Variants in BCAS3 observed in about 807,000 individuals in gnomAD.
BCAS3 encodes the protein BCAS4/BCAS3 fusion.
A neutral mutation model predicts 116.1 loss-of-function variants in BCAS3; 53 were observed. The observed-to-expected ratio is 0.46, with a 90% CI of 0.37 to 0.57. The LOEUF (loss-of-function observed/expected upper bound fraction) is 0.57. Ranked by LOEUF, BCAS3 falls within the 20% of genes least tolerant of loss-of-function variation. The pLI, the probability that BCAS3 is intolerant of heterozygous loss-of-function variation, is 0.00. For synonymous variants in BCAS3, 391 were observed against 408.2 expected (o/e 0.96, Z 0.51); for missense variants, 917 against 1,165.4 (o/e 0.79, Z 3.10).
rs368299015 is a variant in BCAS3 at position 61,132,462 on chromosome 17, C to A, written c.2425+47898C>A. Among the ~76,000 whole-genome samples, 1 of 152,176 alleles carries A rather than the reference C, an allele frequency of 6.6e-6. No homozygotes were observed. Among genetic ancestry groups the A allele is most frequent in the Non-Finnish European group, 1.5e-5 (1 of 68,036 alleles). On this transcript the variant is annotated intron_variant, in intron 22 of 23. Coordinates refer to ENST00000407086, the MANE Select transcript of BCAS3 (RefSeq NM_017679.5). The surrounding 1 kb of genome is among the most constrained non-coding windows in gnomAD (Gnocchi z 5.1). ...GCCATGTGAGCTATAATCTACTGCC[C>A]TGGTCAAACTTAACCAAAATTCTGT...
At chr17:60,890,283 G>T (rs570529365) in intron 10 of BCAS3, among the ~76,000 whole-genome samples, 8 of 151,852 alleles carry the variant, frequency 5.3e-5, no homozygotes, top group Admixed American at 4.6e-4. Context: ...GTGAAACCCC[G>T]TCTCTACTAA....
chr17:61,332,981 C>T lies in BCAS3; in HGVS notation c.2426-35346C>T, dbSNP rs1453096961. Among the ~76,000 whole-genome samples, 3 of 152,196 alleles carry T rather than the reference C, an allele frequency of 2.0e-5. No individual in the cohort carries two copies. Among genetic ancestry groups the T allele is most frequent in the Non-Finnish European group, 4.4e-5 (3 of 68,046 alleles). On this transcript the variant is annotated intron_variant, in intron 22 of 23. Transcript: ENST00000407086. The surrounding 1 kb of genome is among the most constrained non-coding windows in gnomAD (Gnocchi z 5.4). ...GTCATATTACAAGTCTAGGGCAGAGCGGGGACTATATTCTGGCTTCCTGAC... is the reference window on the plus strand; with the variant it reads ...GTCATATTACAAGTCTAGGGCAGAGTGGGGACTATATTCTGGCTTCCTGAC...
intron 22 of BCAS3, among the ~76,000 whole-genome samples, chr17:61,110,583 G>C (rs1386532503): frequency 6.6e-6 from 1 of 152,250 alleles, no homozygotes; most frequent in Non-Finnish European, 1.5e-5. Flanking sequence ...ACCTGGCTGG[G>C]AGGGTCCTAC....
At chr17:61,159,042 T>G (rs1420789404) in intron 22 of BCAS3, among the ~76,000 whole-genome samples, 1 of 152,232 alleles carries the variant, frequency 6.6e-6, no homozygotes, top group Non-Finnish European at 1.5e-5. Context: ...TCCATATATA[T>G]TCATACATTT....
intron 5 of BCAS3, among the ~76,000 whole-genome samples, chr17:60,724,599 C>T (rs2039629620): frequency 6.6e-6 from 1 of 151,598 alleles, no homozygotes; most frequent in Admixed American, 6.6e-5. Flanking sequence ...GTGGAATGCA[C>T]CTGTAAGCCC....
chr17:61,158,056 T>A (rs900498525), intron 22 of BCAS3, among the ~76,000 whole-genome samples: 1 of 152,194 alleles, frequency 6.6e-6, no homozygotes, highest in East Asian at 1.9e-4. Flanking sequence ...CTCTTTTTTT[T>A]ATGAGACCTG....
chr17:60,736,729 T>C (rs540931807), intron 5 of BCAS3, among the ~76,000 whole-genome samples: 51 of 152,302 alleles, frequency 3.3e-4, no homozygotes, highest in African/African-American at 1.1e-3. Context: ...TGTCTATTTA[T>C]TGTTGTGTGA....
At chr17:60,998,109 T>C (rs544473506) in intron 15 of BCAS3, among the ~76,000 whole-genome samples, 1 of 152,336 alleles carries the variant, frequency 6.6e-6, no homozygotes, top group South Asian at 2.1e-4. Context: ...TGGTTTTCTG[T>C]TTCTGTGTTA....
rs977705000 is a variant in BCAS3, at chr17:61,029,327, C to G, written c.1638-5339C>G. 1.3e-5 allele frequency among the ~76,000 whole-genome samples: 2 copies of G among 151,946 alleles called. No individual in the cohort carries two copies. The highest frequency in any genetic ancestry group is 4.8e-5 in the African/African-American group (2 of 41,424). ...CAGATGAGTCGTTATAAAATACAGTCGTTCCCTTTGGTAACAAAATAAGCT... is the reference window on the plus strand; with the variant it reads ...CAGATGAGTCGTTATAAAATACAGTGGTTCCCTTTGGTAACAAAATAAGCT... On this transcript the variant is annotated intron_variant, in intron 16 of 23. Coordinates refer to ENST00000407086, the MANE Select transcript of BCAS3 (RefSeq NM_017679.5). The surrounding 1 kb of genome is among the most constrained non-coding windows in gnomAD (Gnocchi z 5.2).
rs761908669 is a variant in BCAS3 at position 60,993,358 on chromosome 17, C to T, written c.1486+3123C>T. 3.3e-5 allele frequency among the ~76,000 whole-genome samples: 5 copies of T among 152,068 alleles called. No individual in the cohort carries two copies. Among genetic ancestry groups the T allele is most frequent in the South Asian group, 2.1e-4 (1 of 4,824 alleles). Reference sequence around the variant, plus strand: ...TCTCTCAGCTTTATTGCTTTCATGTCTCTCTGCATGTTTTTTTCAGAAATC... The same window carrying T: ...TCTCTCAGCTTTATTGCTTTCATGTTTCTCTGCATGTTTTTTTCAGAAATC... On this transcript the variant is annotated intron_variant, in intron 15 of 23. Transcript: ENST00000407086. The surrounding 1 kb of genome is among the most constrained non-coding windows in gnomAD (Gnocchi z 4.2).
intron 6 of BCAS3, among the ~76,000 whole-genome samples, chr17:60,782,466 A>G (rs2045918067): frequency 6.6e-6 from 1 of 152,042 alleles, no homozygotes; most frequent in South Asian, 2.1e-4. Context: ...ATCCATGCCT[A>G]TCTGATTTAA....
intron 6 of BCAS3, among the ~76,000 whole-genome samples, chr17:60,801,511 A>G (rs1271385913): frequency 6.6e-6 from 1 of 151,980 alleles, no homozygotes; most frequent in Non-Finnish European, 1.5e-5. Context: ...TACTAGATAG[A>G]ACTTCCAGTA....
At chr17:60,832,649 G>T (rs1378890890) in intron 7 of BCAS3, among the ~76,000 whole-genome samples, 4 of 152,064 alleles carry the variant, frequency 2.6e-5, no homozygotes, top group African/African-American at 9.7e-5. Context: ...ATGTAAAGAG[G>T]TTATTTTTTA....
rs1282154671 is a variant in BCAS3, at chr17:60,962,445, A to AT, written c.1221+15101dup. ...TCTCTGATGACTAGTGATGTTGAGC[A>AT]TTTTTTTTCATATACCTATTGGCCA... On this transcript the variant is annotated intron_variant, in intron 14 of 23. Transcript: ENST00000407086. The surrounding 1 kb of genome is among the most constrained non-coding windows in gnomAD (Gnocchi z 4.4). Among the ~76,000 whole-genome samples, 1 of 150,890 alleles carries AT rather than the reference A, an allele frequency of 6.6e-6. No individual in the cohort carries two copies. The highest frequency in any genetic ancestry group is 1.5e-5 in the Non-Finnish European group (1 of 67,574).
rs1373990831 is a variant in BCAS3 at position 60,962,022 on chromosome 17, C to CT, written c.1221+14678dup. On this transcript the variant is annotated intron_variant, in intron 14 of 23. Transcript: ENST00000407086. This position sits in a 1 kb window ranked among gnomAD's most constrained non-coding sequence, Gnocchi z 4.4. ...TTGCTGCAAATGACAGGATTTCATT[C>CT]TTTTTTTTAAAGCTGAATATTTCAT... Among the ~76,000 whole-genome samples the CT allele has an allele frequency of 1.3e-5, 2 of 151,888 alleles. No homozygotes were observed. The highest frequency in any genetic ancestry group is 4.8e-5 in the African/African-American group (2 of 41,360).
chr17:60,903,911 C>G (rs1019411352), intron 11 of BCAS3, among the ~76,000 whole-genome samples: 8 of 152,158 alleles, frequency 5.3e-5, no homozygotes, highest in Non-Finnish European at 1.0e-4. Flanking sequence ...TCCTTTTAGA[C>G]TTGTCTATCT....
rs577517739 is a variant in BCAS3 at position 61,247,468 on chromosome 17, T to A, written c.2426-120859T>A. On this transcript the variant is annotated intron_variant, in intron 22 of 23. Coordinates refer to ENST00000407086, the MANE Select transcript of BCAS3 (RefSeq NM_017679.5). ...GTATGGATTCATTGGGCTTCTGAAT[T>A]CTGTACATGTCACGATTTTTGCTCT... Among the ~76,000 whole-genome samples the A allele has an allele frequency of 2.0e-5, 3 of 152,290 alleles. No individual in the cohort carries two copies. The East Asian group carries it at 5.8e-4, about 29-fold the overall frequency.
At chr17:61,351,637 T>C (rs564237997) in intron 22 of BCAS3, among the ~76,000 whole-genome samples, 145 of 152,374 alleles carry the variant, frequency 9.5e-4, no homozygotes, top group African/African-American at 3.4e-3. Flanking sequence ...AGCACAAGTT[T>C]CCCACTCTCG....
chr17:60,857,760 T>C (rs1341801223), intron 7 of BCAS3, among the ~76,000 whole-genome samples: 1 of 152,218 alleles, frequency 6.6e-6, no homozygotes, highest in African/African-American at 2.4e-5. Flanking sequence ...GCTGACTCCT[T>C]TGTGAATGTG....
Sources: gnomAD v4.1 joint callset for allele counts (sites outside exome capture counted in the v4.1 genomes callset) on GRCh38, gnomAD v4.1.1 for gene constraint, Gnocchi (gnomAD v3.1) non-coding constraint, MANE v1.5 for transcripts, NCBI Gene and HGNC (gene_info 2026-07-23, HGNC 2026-07-21) for gene names.